Variants in LRRC9 observed in about 807,000 individuals in gnomAD.
LRRC9 encodes leucine-rich repeat-containing protein 9.
A neutral mutation model predicts 63.2 loss-of-function variants in LRRC9; 122 were observed. That is an observed-to-expected ratio of 1.93 (90% CI 1.67 to 2.24). LRRC9 has a LOEUF of 2.24. Ranked by LOEUF, LRRC9 falls within the 30% of genes most tolerant of loss-of-function variation. The pLI, the probability that LRRC9 is intolerant of heterozygous loss-of-function variation, is 0.00. For missense variants in LRRC9, 1,071 were observed against 627.7 expected (o/e 1.71, Z -7.55); for synonymous variants, 366 against 213.1 (o/e 1.72, Z -6.25).
At chr14:59,981,782 C>G in intron 15 of LRRC9, 66 bp from the exon 16 acceptor site, 1 of 639,002 alleles carries the variant, frequency 1.6e-6, no homozygotes, top group Non-Finnish European at 2.8e-6. Context: ...TTCTACATAG[C>G]TTGTTTGTTT....
rs372968336 is a variant in LRRC9 at position 59,938,041 on chromosome 14, G to C, written c.544-349G>C. On this transcript the variant is annotated intron_variant, in intron 6 of 31. Transcript: ENST00000445360. The surrounding 1 kb of genome is among the most constrained non-coding windows in gnomAD (Gnocchi z 4.2). ...AGGAAATAGGGGTGAAGAAATCAGAGACCTACAGGTATCCTGGGGGCAATT... is the reference window on the plus strand; with the variant it reads ...AGGAAATAGGGGTGAAGAAATCAGACACCTACAGGTATCCTGGGGGCAATT... 6.6e-6 allele frequency among the ~76,000 whole-genome samples: 1 copy of C among 152,084 alleles called. No individual in the cohort carries two copies. Among genetic ancestry groups the C allele is most frequent in the East Asian group, 1.9e-4 (1 of 5,192 alleles).
At chr14:60,034,990 CT>C (rs1024326762) in intron 29 of LRRC9, among the ~76,000 whole-genome samples, 12 of 152,236 alleles carry the variant, frequency 7.9e-5, no homozygotes, top group African/African-American at 2.6e-4. Flanking sequence ...TCTCCACATC[CT>C]TACCAGCATC....
chr14:59,997,946 T>C, intron 18 of LRRC9, 99 bp downstream of exon 18: 1 of 565,488 alleles, frequency 1.8e-6, no homozygotes, highest in South Asian at 2.4e-5. Context: ...ATAGGCAAAG[T>C]ATCTTCGTTT....
chr14:60,055,338 C>T (rs911959713), intron 30 of LRRC9, among the ~76,000 whole-genome samples: 2 of 152,142 alleles, frequency 1.3e-5, no homozygotes, highest in Non-Finnish European at 2.9e-5. Flanking sequence ...CTACTCAAAT[C>T]TTTGTCACAG....
exon 25 of LRRC9, chr14:60,018,375 G>C: frequency 1.4e-6 from 1 of 700,252 alleles, no homozygotes; most frequent in Non-Finnish European, 2.6e-6. Flanking sequence ...ATTCAGAACA[G>C]TGGATTTGAT....
intron 12 of LRRC9, among the ~76,000 whole-genome samples, chr14:59,972,342 A>T (rs1477152175): frequency 6.6e-6 from 1 of 152,144 alleles, no homozygotes; most frequent in Non-Finnish European, 1.5e-5. Context: ...TTTACTTAAC[A>T]AATCCTTTAA....
downstream of LRRC9, among the ~76,000 whole-genome samples, chr14:60,064,021 T>C (rs1057383413): frequency 2.0e-5 from 3 of 152,210 alleles, no homozygotes; most frequent in Non-Finnish European, 4.4e-5. Context: ...CAGTCCTTCA[T>C]GCTCTAAGAA....
At chr14:60,028,266 T>C (rs1035822237) in intron 28 of LRRC9, among the ~76,000 whole-genome samples, 165 bp downstream of exon 28, 1 of 152,022 alleles carries the variant, frequency 6.6e-6, no homozygotes, top group Non-Finnish European at 1.5e-5. Flanking sequence ...TGCAGAAATA[T>C]CCACCCTACT....
At chr14:60,063,416 AC>A in exon 32 of LRRC9, 2 of 691,716 alleles carry the variant, frequency 2.9e-6, no homozygotes, top group Non-Finnish European at 5.2e-6. Flanking sequence ...TAGTAGTTGT[AC>A]AAAAACTAGC....
chr14:60,038,475 C>T (rs1056882770), intron 29 of LRRC9, among the ~76,000 whole-genome samples: 7 of 152,196 alleles, frequency 4.6e-5, no homozygotes, highest in African/African-American at 1.7e-4. Flanking sequence ...TTGAAGAGGG[C>T]CTTCACATCC....
At position 60,027,358 on chromosome 14, in the gene LRRC9, A is replaced by G. The variant is rs1891637895; in HGVS notation, c.3704-526A>G. Among the ~76,000 whole-genome samples the G allele has an allele frequency of 6.6e-6, 1 of 152,058 alleles. No homozygotes were observed. Among genetic ancestry groups the G allele is most frequent in the East Asian group, 1.9e-4 (1 of 5,186 alleles). On this transcript the variant is annotated intron_variant, in intron 27 of 31. Coordinates refer to ENST00000445360, the Ensembl canonical transcript of LRRC9. This position sits in a 1 kb window ranked among gnomAD's most constrained non-coding sequence, Gnocchi z 4.0. ...CAATAGAGAGAAATCATAGGTTTAT[A>G]AATAAGGTTTAGAGTTTTGAAGAAT...
chr14:59,992,827 CT>C (rs1888302071), intron 17 of LRRC9, among the ~76,000 whole-genome samples: 1 of 152,204 alleles, frequency 6.6e-6, no homozygotes, highest in South Asian at 2.1e-4. Context: ...CAAATTACGT[CT>C]GATTGGTGTA....
chr14:59,954,325 C>T (rs1345474479), intron 8 of LRRC9, among the ~76,000 whole-genome samples: 1 of 151,774 alleles, frequency 6.6e-6, no homozygotes, highest in Non-Finnish European at 1.5e-5. Context: ...TTTTTGTGTC[C>T]TCTCTTATTT....
At chr14:60,043,414 T>C (rs906349929) in intron 29 of LRRC9, among the ~76,000 whole-genome samples, 10 of 152,210 alleles carry the variant, frequency 6.6e-5, no homozygotes, top group African/African-American at 2.4e-4. Context: ...CTATTCATTA[T>C]GCTGCTAGTC....
intron 29 of LRRC9, among the ~76,000 whole-genome samples, chr14:60,039,633 G>A (rs1303102577): frequency 1.3e-5 from 2 of 151,986 alleles, no homozygotes; most frequent in African/African-American, 2.4e-5. Context: ...TTTTTATTGA[G>A]TCTATTTGAT....
chr14:59,974,578 G>C (rs949004851), exon 13 of LRRC9: 1 of 644,570 alleles, frequency 1.6e-6, no homozygotes, highest in African/African-American at 1.9e-5. Context: ...CTTTGCAGCT[G>C]CCTCTCAAAA....
chr14:59,920,593 T>C (rs1330686685), intron 1 of LRRC9, among the ~76,000 whole-genome samples: 1 of 152,184 alleles, frequency 6.6e-6, no homozygotes, highest in Non-Finnish European at 1.5e-5. Context: ...ACACTGCTCA[T>C]CTAGAGAGTG....
chr14:59,960,635 A>G (rs1390864752), intron 9 of LRRC9, among the ~76,000 whole-genome samples: 1 of 152,236 alleles, frequency 6.6e-6, no homozygotes, highest in East Asian at 1.9e-4. Flanking sequence ...CTGAGGCATA[A>G]AAAGTCCAAG....
Position 59,986,702 on chromosome 14 carries a change from A to T in LRRC9, c.2211+1478A>T, listed in dbSNP as rs1410546754. Among the ~76,000 whole-genome samples the T allele has an allele frequency of 1.3e-5, 2 of 152,204 alleles. No individual in the cohort carries two copies. Among genetic ancestry groups the T allele is most frequent in the African/African-American group, 4.8e-5 (2 of 41,452 alleles). Reference sequence around the variant, plus strand: ...ACTCATTCAAGACACTTAGATAGAGAGTGAGCTTAGCCAGCTGCCCAGCAT... The same window carrying T: ...ACTCATTCAAGACACTTAGATAGAGTGTGAGCTTAGCCAGCTGCCCAGCAT... On this transcript the variant is annotated intron_variant, in intron 17 of 31. Transcript: ENST00000445360. The surrounding 1 kb of genome is among the most constrained non-coding windows in gnomAD (Gnocchi z 4.7).
Sources: gnomAD v4.1 joint callset for allele counts (sites outside exome capture counted in the v4.1 genomes callset) on GRCh38, gnomAD v4.1.1 for gene constraint, Gnocchi (gnomAD v3.1) non-coding constraint, MANE v1.5 for transcripts, NCBI Gene and HGNC (gene_info 2026-07-23, HGNC 2026-07-21) for gene names.